NRG3: variants seen among roughly 807,000 people sequenced by gnomAD.
NRG3 encodes pro-neuregulin-3, membrane-bound isoform.
NRG3 carries 31 observed loss-of-function variants against 66.9 expected under a neutral mutation model. The observed-to-expected ratio is 0.46, with a 90% CI of 0.35 to 0.63. NRG3 has a LOEUF of 0.63. NRG3 is among the 20% of genes least tolerant of loss of function. The pLI, the probability that NRG3 is intolerant of heterozygous loss-of-function variation, is 0.00. For missense variants in NRG3, 910 were observed against 878.9 expected (o/e 1.04, Z -0.45); for synonymous variants, 393 against 359.4 (o/e 1.09, Z -1.06).
At chr10:82,548,058 T>TTTTTTA (rs1554959773) in intron 2 of NRG3, among the ~76,000 whole-genome samples, 1 of 148,594 alleles carries the variant, frequency 6.7e-6, no homozygotes, top group Non-Finnish European at 1.5e-5. Flanking sequence ...TTTTTTTTTT[T>TTTTTTA]AAATCATGGA....
chr10:82,654,363 G>A (rs1043060575), intron 2 of NRG3, among the ~76,000 whole-genome samples: 5 of 152,066 alleles, frequency 3.3e-5, no homozygotes, highest in Admixed American at 2.6e-4. Flanking sequence ...ATATATCTTG[G>A]TGTCATTTTC....
intron 1 of NRG3, among the ~76,000 whole-genome samples, chr10:82,275,718 C>T (rs1450915648): frequency 6.6e-6 from 1 of 151,872 alleles, no homozygotes; most frequent in Non-Finnish European, 1.5e-5. Context: ...GATGTATGCC[C>T]ACTTTAAAGA....
At chr10:82,781,670 T>G (rs1319167939) in intron 3 of NRG3, among the ~76,000 whole-genome samples, 2 of 152,052 alleles carry the variant, frequency 1.3e-5, no homozygotes, top group African/African-American at 4.8e-5. Context: ...ATCCCACCCT[T>G]ACACACCAAG....
intron 2 of NRG3, among the ~76,000 whole-genome samples, chr10:82,384,512 A>G (rs1163608593): frequency 6.6e-6 from 1 of 152,232 alleles, no homozygotes; most frequent in East Asian, 1.9e-4. Flanking sequence ...TCCCACTTAT[A>G]AGTTAGAATA....
intron 4 of NRG3, among the ~76,000 whole-genome samples, chr10:82,948,252 G>A (rs745701483): frequency 4.6e-5 from 7 of 151,940 alleles, no homozygotes; most frequent in Non-Finnish European, 1.0e-4. Context: ...ATTTCAGAAC[G>A]CTTTTATCTG....
intron 1 of NRG3, among the ~76,000 whole-genome samples, chr10:82,309,581 A>G (rs2080920395): frequency 6.6e-6 from 1 of 152,114 alleles, no homozygotes; most frequent in East Asian, 1.9e-4. Flanking sequence ...CACTTTCTCT[A>G]TCCAAGCTGC....
chr10:82,047,811 G>A (rs1260247568), intron 1 of NRG3, among the ~76,000 whole-genome samples: 1 of 151,962 alleles, frequency 6.6e-6, no homozygotes, highest in African/African-American at 2.4e-5. Context: ...CTGGCAAATT[G>A]GATAGAGTCA....
At chr10:82,757,135 G>A (rs2059113128) in intron 3 of NRG3, among the ~76,000 whole-genome samples, 1 of 152,028 alleles carries the variant, frequency 6.6e-6, no homozygotes, top group African/African-American at 2.4e-5. Context: ...AGTATGAAAA[G>A]TGTGTCTTAG....
At chr10:81,967,444 A>G (rs1006425774) in intron 1 of NRG3, among the ~76,000 whole-genome samples, 2 of 151,772 alleles carry the variant, frequency 1.3e-5, no homozygotes, top group Non-Finnish European at 2.9e-5. Context: ...ATTCTGCTAC[A>G]CTGTTATTTT....
intron 3 of NRG3, among the ~76,000 whole-genome samples, chr10:82,858,911 A>T (rs2063954935): frequency 6.6e-6 from 1 of 150,784 alleles, no homozygotes; most frequent in South Asian, 2.1e-4. Flanking sequence ...TGCAGCAGAG[A>T]AGCCCATTTA....
chr10:82,159,711 G>A (rs1182884192), intron 1 of NRG3, among the ~76,000 whole-genome samples: 1 of 151,878 alleles, frequency 6.6e-6, no homozygotes, highest in African/African-American at 2.4e-5. Context: ...CATAGTAGGT[G>A]CTCAGTCAAC....
chr10:82,395,806 T>G (rs1026529516), intron 2 of NRG3, among the ~76,000 whole-genome samples: 1 of 152,140 alleles, frequency 6.6e-6, no homozygotes, highest in Non-Finnish European at 1.5e-5. Flanking sequence ...GCTGAGTCAG[T>G]GCAATGTGAT....
intron 6 of NRG3, among the ~76,000 whole-genome samples, chr10:82,963,447 G>A (rs1177582863): frequency 2.6e-5 from 4 of 152,180 alleles, no homozygotes; most frequent in Admixed American, 6.5e-5. Flanking sequence ...TTGGGAGGCC[G>A]AGGCGGGTGG....
chr10:82,730,882 A>T (rs1465289279), intron 2 of NRG3, among the ~76,000 whole-genome samples: 2 of 152,066 alleles, frequency 1.3e-5, no homozygotes, highest in Non-Finnish European at 2.9e-5. Flanking sequence ...TTAGCTAGAA[A>T]CGTTTTTGTC....
At chr10:82,327,274 A>G (rs977116633) in intron 1 of NRG3, among the ~76,000 whole-genome samples, 1 of 152,144 alleles carries the variant, frequency 6.6e-6, no homozygotes, top group African/African-American at 2.4e-5. Flanking sequence ...AGAAAACTAC[A>G]AGGACCAGGT....
intron 4 of NRG3, among the ~76,000 whole-genome samples, chr10:82,935,156 G>A (rs1194871618): frequency 6.6e-6 from 1 of 152,096 alleles, no homozygotes; most frequent in African/African-American, 2.4e-5. Context: ...TGCACTTTTT[G>A]TATAGGTAAG....
At chr10:82,709,320 CTTG>C (rs948713595) in intron 2 of NRG3, among the ~76,000 whole-genome samples, 3 of 151,664 alleles carry the variant, frequency 2.0e-5, no homozygotes, top group East Asian at 1.9e-4. Flanking sequence ...TCGTTTCTTT[CTTG>C]TTGTTGTTGT....
At chr10:82,880,337 G>C (rs571244145) in intron 4 of NRG3, among the ~76,000 whole-genome samples, 1 of 152,068 alleles carries the variant, frequency 6.6e-6, no homozygotes, top group Non-Finnish European at 1.5e-5. Flanking sequence ...TTTAGAGTGC[G>C]CACGAGTGAG....
At chr10:82,354,440 G>A (rs2083649130) in intron 1 of NRG3, among the ~76,000 whole-genome samples, 1 of 150,376 alleles carries the variant, frequency 6.6e-6, no homozygotes, top group Non-Finnish European at 1.5e-5. Context: ...ACCCAGGCTA[G>A]AGTGCAATGG....
Sources: gnomAD v4.1 joint callset for allele counts (sites outside exome capture counted in the v4.1 genomes callset) on GRCh38, gnomAD v4.1.1 for gene constraint, MANE v1.5 for transcripts, NCBI Gene and HGNC (gene_info 2026-07-23, HGNC 2026-07-21) for gene names.